Variants in CALD1 observed in about 807,000 individuals in gnomAD.
CALD1 encodes caldesmon.
A neutral mutation model predicts 99.9 loss-of-function variants in CALD1; 33 were observed. The ratio of observed to expected loss-of-function variants is 0.33; its 90% CI spans 0.25 to 0.44. The LOEUF (loss-of-function observed/expected upper bound fraction) is 0.44, where lower values mean the gene tolerates loss of function less well. Ranked by LOEUF, CALD1 falls within the 20% of genes least tolerant of loss-of-function variation. The pLI, the probability that CALD1 is intolerant of heterozygous loss-of-function variation, is 1.00. For synonymous variants in CALD1, 310 were observed against 325.0 expected, an observed-to-expected ratio of 0.95 and a Z score of 0.50; for missense variants, 861 against 962.1, an observed-to-expected ratio of 0.89 and a Z score of 1.39.
chr7:134,964,154 G>A (rs961499658), intron 13 of CALD1, among the ~76,000 whole-genome samples: 4 of 152,152 alleles, frequency 2.6e-5, no homozygotes, highest in South Asian at 2.1e-4. Context: ...CCGAGATTGC[G>A]CCACTGCACT....
At position 134,758,501 on chromosome 7, in the gene CALD1, G is replaced by GGGGT. The variant is rs574733386; in HGVS notation, c.-130+14139_-130+14140insGGTG. ...TTTAAATATCTGCAGCTCCCATTGG[G>GGGGT]GTGTGTGTGTGTGTGTGTGTGTGTG... On this transcript the variant is annotated intron_variant, in intron 1 of 13. Transcript: ENST00000417172. Among the ~76,000 whole-genome samples the GGGGT allele has an allele frequency of 1.1e-3, 155 of 145,218 alleles. 1 individual carries two copies. The highest frequency in any genetic ancestry group is 8.6e-3 in the East Asian group (41 of 4,788).
chr7:134,802,537 C>G (rs972379617), intron 1 of CALD1, among the ~76,000 whole-genome samples: 2 of 152,154 alleles, frequency 1.3e-5, no homozygotes, highest in Non-Finnish European at 2.9e-5. Context: ...TGCTTCTCAA[C>G]TTATGATGGG....
chr7:134,885,147 G>C (rs1801794336), intron 3 of CALD1, among the ~76,000 whole-genome samples: 1 of 151,946 alleles, frequency 6.6e-6, no homozygotes, highest in South Asian at 2.1e-4. Flanking sequence ...TGGCCAGTCT[G>C]GTCTGTAACT....
intron 1 of CALD1, among the ~76,000 whole-genome samples, chr7:134,841,857 G>C (rs1799664013): frequency 6.6e-6 from 1 of 152,146 alleles, no homozygotes; most frequent in Admixed American, 6.5e-5. Context: ...AGAGCACACA[G>C]CCATCTCATA....
At chr7:134,885,094 G>A (rs1254980611) in intron 3 of CALD1, among the ~76,000 whole-genome samples, 1 of 152,034 alleles carries the variant, frequency 6.6e-6, no homozygotes, top group Non-Finnish European at 1.5e-5. Context: ...CACCATGCCA[G>A]GCTAACTTTT....
At chr7:134,718,999 G>A in the CALD1 span, among the ~76,000 whole-genome samples, 2 of 152,178 alleles carry the variant, frequency 1.3e-5, no homozygotes, top group African/African-American at 4.8e-5. Context: ...TGACTACTGT[G>A]TACACTATAG....
intron 9 of CALD1, among the ~76,000 whole-genome samples, chr7:134,956,142 G>C (rs2133208632): frequency 6.6e-6 from 1 of 151,934 alleles, no homozygotes; most frequent in East Asian, 1.9e-4. Context: ...GTAAGAGTTT[G>C]CTTTTGTCTT....
rs187287578 is a variant in CALD1, at chr7:134,849,181, A to G, written c.-42+5210A>G. 2.4e-3 allele frequency among the ~76,000 whole-genome samples: 359 copies of G among 152,300 alleles called. 2 individuals are homozygous for G. Among genetic ancestry groups the G allele is most frequent in the Non-Finnish European group, 3.5e-3 (238 of 68,032 alleles). On this transcript the variant is annotated intron_variant, in intron 2 of 14. Transcript: ENST00000361675. ...AATTTCTCTGCCCTCTCATCCACCTATCACACTTTATTATGCGGTTTATAG... is the reference window on the plus strand; with the variant it reads ...AATTTCTCTGCCCTCTCATCCACCTGTCACACTTTATTATGCGGTTTATAG...
Position 134,958,269 on chromosome 7 carries a change from G to A in CALD1, c.2040G>A (p.Glu680=). Residue 680 remains glutamate (E), a synonymous_variant, in exon 11 of 15, where the codon GAG becomes GAA. Transcript: ENST00000361675. ...AIVSKIDSRL[E]QYTSAIEGTK... ...TCTCCAAGATTGACAGCAGACTGGA[G>A]CAGTATACCAGTGCAATTGAGGTGA... 1 of 1,613,938 alleles carries A rather than the reference G, an allele frequency of 6.2e-7. No individual in the cohort carries two copies. Among genetic ancestry groups the A allele is most frequent in the Non-Finnish European group, 8.5e-7 (1 of 1,179,912 alleles).
In CALD1 at chr7:134,874,629, A is replaced by C. The variant is rs13247106; in HGVS notation, c.71+6825A>C. Among the ~76,000 whole-genome samples the C allele has an allele frequency of 4.8e-3, 734 of 152,192 alleles. 9 individuals carry two copies. The highest frequency in any genetic ancestry group is 0.017 in the African/African-American group (690 of 41,536). The stretch of plus-strand genomic sequence containing the variant: ...ACAGCATCTGCTTTCTGCACCCAAC[A>C]TGAGTTCCTCTCACTGATCAGAAGA... On this transcript the variant is annotated intron_variant, in intron 3 of 14. Transcript: ENST00000361675.
upstream of CALD1, among the ~76,000 whole-genome samples, chr7:134,778,478 C>G (rs1796973603): frequency 6.6e-6 from 1 of 152,122 alleles, no homozygotes; most frequent in South Asian, 2.1e-4. Context: ...AAACATATAA[C>G]AATGAGACAT....
At chr7:134,769,320 G>A (rs1796856951) in intron 1 of CALD1, among the ~76,000 whole-genome samples, 1 of 152,094 alleles carries the variant, frequency 6.6e-6, no homozygotes, top group Non-Finnish European at 1.5e-5. Flanking sequence ...AAAGTCACTA[G>A]ATATTGTCAA....
chr7:134,943,023 G>A (rs1422535852), intron 7 of CALD1, among the ~76,000 whole-genome samples: 1 of 152,096 alleles, frequency 6.6e-6, no homozygotes, highest in African/African-American at 2.4e-5. Context: ...AAAAAATACA[G>A]GAACAAGCTG....
chr7:134,733,926 G>A, the CALD1 span, among the ~76,000 whole-genome samples: 1 of 150,874 alleles, frequency 6.6e-6, no homozygotes, highest in Non-Finnish European at 1.5e-5. Flanking sequence ...CCTTCAGTTT[G>A]TATAATATAA....
At chr7:134,807,462 T>A (rs1477216431) in intron 1 of CALD1, among the ~76,000 whole-genome samples, 1 of 152,150 alleles carries the variant, frequency 6.6e-6, no homozygotes, top group Non-Finnish European at 1.5e-5. Context: ...GAAGGATAAA[T>A]TGCTCCTACC....
chr7:134,750,106 G>A (rs1354969490), intron 1 of CALD1, among the ~76,000 whole-genome samples: 1 of 114,460 alleles, frequency 8.7e-6, no homozygotes, highest in Non-Finnish European at 1.9e-5. Flanking sequence ...GATATGGCAA[G>A]TGTTAAAACA....
chr7:134,965,112 T>A, intron 13 of CALD1, 194 bp from the exon 14 acceptor site: 2 of 469,414 alleles, frequency 4.3e-6, no homozygotes, highest in Non-Finnish European at 7.8e-6. Flanking sequence ...TGAGACTCTG[T>A]CTCAAAAAAA....
intron 11 of CALD1, 142 bp from the exon 12 acceptor site, chr7:134,959,832 C>A: frequency 1.3e-6 from 1 of 777,022 alleles, no homozygotes. Flanking sequence ...AGTTTTACAA[C>A]AGAAATTATC....
At chr7:134,946,663 C>T (rs1209548140) in intron 7 of CALD1, among the ~76,000 whole-genome samples, 2 of 151,596 alleles carry the variant, frequency 1.3e-5, no homozygotes, top group African/African-American at 4.8e-5. Flanking sequence ...GTAACAAGAT[C>T]TCCTTCCTTT....
Sources: gnomAD v4.1 joint callset for allele counts (sites outside exome capture counted in the v4.1 genomes callset) on GRCh38, gnomAD v4.1.1 for gene constraint, MANE v1.5 for transcripts, NCBI Gene and HGNC (gene_info 2026-07-23, HGNC 2026-07-21) for gene names.